Variants in PDE4D observed in about 807,000 individuals in gnomAD.
The protein encoded by PDE4D is phosphodiesterase 4D, also known as 3',5'-cyclic-AMP phosphodiesterase 4D.
PDE4D carries 24 observed loss-of-function variants against 87.4 expected under a neutral mutation model. The observed-to-expected ratio is 0.27, with a 90% confidence interval of 0.20 to 0.39. The LOEUF is 0.39. Among genes scored for constraint, PDE4D ranks in the 10% least tolerant of loss-of-function variants. The pLI is 1.00. For missense variants in PDE4D, 714 were observed against 1,041.0 expected (o/e 0.69, Z 4.32); for synonymous variants, 384 against 383.2 (o/e 1.00, Z -0.02).
chr5:59,860,797 A>T (rs1746139079), intron 1 of PDE4D, among the ~76,000 whole-genome samples: 1 of 152,074 alleles, frequency 6.6e-6, no homozygotes, highest in Non-Finnish European at 1.5e-5. Flanking sequence ...CACATAAATT[A>T]TCATTAGTTT....
chr5:59,269,892 G>A (rs576936981), intron 1 of PDE4D, among the ~76,000 whole-genome samples: 7 of 151,802 alleles, frequency 4.6e-5, no homozygotes, highest in South Asian at 2.1e-4. Flanking sequence ...TGAAATAAAC[G>A]TGTTTAAAAT....
intron 5 of PDE4D, among the ~76,000 whole-genome samples, chr5:59,172,008 TATATATTATATATATAATAA>T (rs1782911224): frequency 6.1e-5 from 3 of 49,492 alleles, no homozygotes; most frequent in African/African-American, 1.1e-4. Flanking sequence ...ATATAATAAA[TATATATTATATATATAATAA>T]ATATATATTA....
At chr5:60,496,545 A>G (rs1749822750) in intron 1 of PDE4D, among the ~76,000 whole-genome samples, 1 of 152,204 alleles carries the variant, frequency 6.6e-6, no homozygotes, top group Non-Finnish European at 1.5e-5. Context: ...GAATCTGGGC[A>G]TAGGAACACA....
chr5:59,338,466 TGTATCTTA>T (rs1190080952), intron 1 of PDE4D, among the ~76,000 whole-genome samples: 1 of 152,202 alleles, frequency 6.6e-6, no homozygotes, highest in Non-Finnish European at 1.5e-5. Context: ...TCTTGTTTAG[TGTATCTTA>T]GGAATCATGT....
chr5:58,975,729 G>A lies in PDE4D; in HGVS notation c.1941C>T (p.Asp647=). The A allele has an allele frequency of 1.2e-6, 2 of 1,613,166 alleles. No homozygotes were observed. The highest frequency in any genetic ancestry group is 1.7e-6 in the Non-Finnish European group (2 of 1,179,470). Residue 647 remains aspartate (D), a synonymous_variant, in exon 14 of 15, where the codon GAC becomes GAT. Coordinates refer to ENST00000340635, the MANE Select transcript of PDE4D (RefSeq NM_001104631.2). This position sits in a 1 kb window ranked among gnomAD's most constrained non-coding sequence, Gnocchi z 4.2. ...RIMEEFFRQG[D]RERERGMEIS... is the part of the protein sequence containing the mutation. ...TCTCCATGCCACGTTCCCTCTCTCG[G>A]TCTCCTTGGCGGAAGAACTCCTCCA...
chr5:59,002,068 C>A (rs192997976), intron 6 of PDE4D: 6 of 516,510 alleles, frequency 1.2e-5, no homozygotes, highest in African/African-American at 9.6e-5. Context: ...CTTACCATTA[C>A]CCCTCCCGTA....
intron 2 of PDE4D, chr5:60,030,741 A>G (rs1388693978): frequency 2.6e-5 from 4 of 152,280 alleles, no homozygotes; most frequent in African/African-American, 9.6e-5. Context: ...TATACCCCAA[A>G]CCTAAATTAA....
intron 1 of PDE4D, among the ~76,000 whole-genome samples, chr5:60,273,740 G>A (rs145523732): frequency 6.6e-6 from 1 of 152,088 alleles, no homozygotes; most frequent in Non-Finnish European, 1.5e-5. Flanking sequence ...AATCAAAAAT[G>A]CCCCCCAAGT....
intron 1 of PDE4D, among the ~76,000 whole-genome samples, chr5:60,291,668 A>T (rs1752907716): frequency 6.6e-6 from 1 of 152,036 alleles, no homozygotes; most frequent in South Asian, 2.1e-4. Context: ...AAACAATGAG[A>T]TTCTATTTAT....
intron 2 of PDE4D, among the ~76,000 whole-genome samples, chr5:60,121,100 C>T (rs1389279699): frequency 6.6e-6 from 1 of 151,898 alleles, no homozygotes; most frequent in Non-Finnish European, 1.5e-5. Flanking sequence ...TTTTGGGACT[C>T]GGAATGGCTC....
At chr5:60,023,461 C>A (rs993808422) in intron 2 of PDE4D, among the ~76,000 whole-genome samples, 1 of 152,158 alleles carries the variant, frequency 6.6e-6, no homozygotes, top group African/African-American at 2.4e-5. Context: ...TAGACCTCAG[C>A]TCCAAAGGCC....
At chr5:60,439,921 A>AC (rs200702995) in intron 1 of PDE4D, among the ~76,000 whole-genome samples, 13,411 of 132,104 alleles carry the variant, frequency 0.1, 866 homozygotes, top group East Asian at 0.33. Context: ...TTGTTTAAAA[A>AC]AAAAAACAAA....
chr5:59,793,510 C>T (rs1766062757), intron 1 of PDE4D, among the ~76,000 whole-genome samples: 1 of 152,154 alleles, frequency 6.6e-6, no homozygotes, highest in Non-Finnish European at 1.5e-5. Context: ...TACCAATGTC[C>T]AACCAAAACA....
At chr5:58,996,838 A>C (rs1749344584) in intron 6 of PDE4D, among the ~76,000 whole-genome samples, 1 of 152,188 alleles carries the variant, frequency 6.6e-6, no homozygotes, top group Non-Finnish European at 1.5e-5. Context: ...CTGAAGAAAA[A>C]AGCCAGTGAA....
chr5:60,168,745 T>C (rs1335229227), intron 2 of PDE4D, among the ~76,000 whole-genome samples: 1 of 152,142 alleles, frequency 6.6e-6, no homozygotes, highest in Non-Finnish European at 1.5e-5. Flanking sequence ...TTTTAGGAAA[T>C]AATGACAAGG....
intron 1 of PDE4D, among the ~76,000 whole-genome samples, chr5:59,334,870 T>A (rs1717751651): frequency 6.6e-6 from 1 of 152,070 alleles, no homozygotes; most frequent in African/African-American, 2.4e-5. Context: ...ATAACAGAAA[T>A]CATCTAATCC....
rs1742030857 is a variant in PDE4D, at chr5:60,202,474, T to C, written c.-89-16787A>G. Among the ~76,000 whole-genome samples the C allele has an allele frequency of 4.6e-5, 7 of 152,170 alleles. No homozygotes were observed. The South Asian group carries it at 1.4e-3, about 31-fold the overall frequency. On this transcript the variant is annotated intron_variant, in intron 1 of 16. Coordinates refer to the PDE4D transcript ENST00000502484. ...GAGTCACCATCCCCAGCCTGTGATT[T>C]AATCAATTTTAAAACAAAAACTTCT... is the stretch of plus-strand genomic sequence containing the variant.
At chr5:60,000,183 A>T (rs1763897285) in intron 2 of PDE4D, among the ~76,000 whole-genome samples, 1 of 152,212 alleles carries the variant, frequency 6.6e-6, no homozygotes, top group South Asian at 2.1e-4. Flanking sequence ...TGAAAAAAAC[A>T]ATGGCTAGAT....
rs1327386903 is a variant in PDE4D at position 59,094,285 on chromosome 5, C to T, written c.809-55314G>A. The stretch of plus-strand genomic sequence containing the variant: ...TGCTAAATTATTTTTAAATCATGAC[C>T]AAAATAAACATTTTAATAGTAAGGT... On this transcript the variant is annotated intron_variant, in intron 5 of 14. Transcript: ENST00000340635. 2.2e-5 allele frequency among the ~76,000 whole-genome samples: 3 copies of T among 137,064 alleles called. No homozygotes were observed. The East Asian group carries it at 6.4e-4, about 29-fold the overall frequency. 89.9% of individuals were successfully genotyped at this position (137,064 alleles called of 152,430 possible). A position where few individuals can be genotyped will look rare whatever the true frequency, so the allele number is the denominator to read the frequency against.
Sources: allele counts gnomAD v4.1 joint callset (sites outside exome capture counted in the v4.1 genomes callset), GRCh38; gene constraint gnomAD v4.1.1; non-coding constraint Gnocchi (gnomAD v3.1); transcripts MANE v1.5; gene names NCBI Gene and HGNC (gene_info 2026-07-23, HGNC 2026-07-21).